Variants in ABI1 observed in about 807,000 individuals in gnomAD.
ABI1 encodes the protein Abelson interactor 1.
Under a neutral mutation model 54.6 loss-of-function variants are expected in ABI1, and 14 were observed. The observed-to-expected ratio is 0.26, with a 90% CI of 0.17 to 0.40. The LOEUF (loss-of-function observed/expected upper bound fraction) is 0.40. Ranked by LOEUF, ABI1 falls within the 10% of genes least tolerant of loss-of-function variation. ABI1 has a pLI of 1.00. For synonymous variants in ABI1, 194 were observed against 209.3 expected, an observed-to-expected ratio of 0.93 and a Z score of 0.63; for missense variants, 443 against 598.3, an observed-to-expected ratio of 0.74 and a Z score of 2.71.
chr10:26,840,040 A>T (rs2049380324), intron 1 of ABI1, among the ~76,000 whole-genome samples: 1 of 152,168 alleles, frequency 6.6e-6, no homozygotes. Context: ...TTCTATGAAT[A>T]CTAGCAAAAG....
intron 3 of ABI1, among the ~76,000 whole-genome samples, chr10:26,773,535 A>C (rs1265651852): frequency 6.7e-6 from 1 of 150,342 alleles, no homozygotes; most frequent in African/African-American, 2.4e-5. Flanking sequence ...TTCTTAACTC[A>C]CTCCTCTGCT....
chr10:26,857,441 G>C (rs1399244985), intron 1 of ABI1, among the ~76,000 whole-genome samples: 3 of 150,252 alleles, frequency 2.0e-5, no homozygotes, highest in Admixed American at 1.3e-4. Context: ...AGGAGTTTGA[G>C]ACCAGCCTAG....
chr10:26,759,341 T>C, intron 7 of ABI1, 103 bp from the exon 8 acceptor site: 1 of 960,742 alleles, frequency 1.0e-6, no homozygotes. Flanking sequence ...GAAATATTTA[T>C]TACTTTTTCA....
At chr10:26,857,320 C>CAAAA (rs71403897) in intron 1 of ABI1, among the ~76,000 whole-genome samples, 17 of 75,962 alleles carry the variant, frequency 2.2e-4, no homozygotes, top group Non-Finnish European at 2.5e-4. Flanking sequence ...GACTCCATCT[C>CAAAA]AAAAAAAAAA....
In ABI1 at chr10:26,823,193, T is replaced by C; in HGVS notation, c.230A>G (p.Asp77Gly). Residue 77 changes from aspartate to glycine, a missense_variant, in exon 2 of 11, where the codon GAT (aspartate) becomes GGT (glycine). Around this residue, in one of 2 missense-constraint regions of ABI1, gnomAD observed 394 missense variants for 484.8 expected, o/e 0.81. Coordinates refer to ENST00000376140, the MANE Select transcript of ABI1 (RefSeq NM_001012750.3). ...ALANNVLQLL[D>G]IQASQLRRME... is the part of the protein sequence containing the mutation. Reference sequence around the variant, plus strand: ...TCTCCGAAGCTGAGAGGCTTGGATATCCAGCAACTGGAGTACATTGTTGGC... The same window carrying C: ...TCTCCGAAGCTGAGAGGCTTGGATACCCAGCAACTGGAGTACATTGTTGGC... The C allele has an allele frequency of 1.2e-6, 2 of 1,604,954 alleles. No individual in the cohort carries two copies. The highest frequency in any genetic ancestry group is 2.3e-5 in the South Asian group (2 of 88,534).
chr10:26,751,490 T>C (rs1837625360), intron 10 of ABI1, 108 bp downstream of exon 10: 2 of 1,089,312 alleles, frequency 1.8e-6, no homozygotes, highest in Non-Finnish European at 2.6e-6. Flanking sequence ...TCTTGGTTGG[T>C]AAGGCAGTTT....
chr10:26,839,975 G>C (rs940352531), intron 1 of ABI1, among the ~76,000 whole-genome samples: 10 of 151,996 alleles, frequency 6.6e-5, no homozygotes, highest in African/African-American at 2.4e-4. Context: ...GGGTGACATA[G>C]AGAGATCCTG....
chr10:26,835,510 G>C (rs919818549), intron 1 of ABI1, among the ~76,000 whole-genome samples: 48 of 152,056 alleles, frequency 3.2e-4, no homozygotes, highest in African/African-American at 1.2e-3. Context: ...AGAAGGTTGA[G>C]GCTGCAGTAA....
intron 2 of ABI1, among the ~76,000 whole-genome samples, chr10:26,793,686 A>G (rs1048380868): frequency 6.6e-6 from 1 of 152,204 alleles, no homozygotes; most frequent in Non-Finnish European, 1.5e-5. Context: ...TGCCTAATTT[A>G]GTGATAATCA....
intron 2 of ABI1, among the ~76,000 whole-genome samples, chr10:26,821,243 T>TAAAA (rs34139312): frequency 5.7e-4 from 65 of 114,896 alleles, no homozygotes; most frequent in Middle Eastern, 4.6e-3. Context: ...AGACTCCATC[T>TAAAA]AAAAAAAAAA....
intron 1 of ABI1, among the ~76,000 whole-genome samples, chr10:26,829,855 G>A (rs1008986690): frequency 2.0e-5 from 3 of 152,060 alleles, no homozygotes; most frequent in Non-Finnish European, 4.4e-5. Context: ...TATTAAGTAC[G>A]AAATGCATAC....
chr10:26,784,610 C>A (rs1474974462), intron 2 of ABI1, among the ~76,000 whole-genome samples: 1 of 152,172 alleles, frequency 6.6e-6, no homozygotes, highest in Non-Finnish European at 1.5e-5. Context: ...TCTTTATAGG[C>A]ACACACAGTC....
At chr10:26,826,181 G>A (rs1254578302) in intron 1 of ABI1, among the ~76,000 whole-genome samples, 1 of 152,150 alleles carries the variant, frequency 6.6e-6, no homozygotes, top group Non-Finnish European at 1.5e-5. Context: ...TTCTTAAATA[G>A]TAAGATTGGA....
chr10:26,753,578 G>A (rs1837905040), intron 9 of ABI1, among the ~76,000 whole-genome samples: 1 of 152,146 alleles, frequency 6.6e-6, no homozygotes, highest in Admixed American at 6.6e-5. Flanking sequence ...ACACACTGCT[G>A]ACTTTTTTAG....
At chr10:26,769,832 G>A (rs994415343) in intron 5 of ABI1, among the ~76,000 whole-genome samples, 15 of 152,224 alleles carry the variant, frequency 9.9e-5, no homozygotes, top group African/African-American at 1.7e-4. Context: ...ACCAATAGGC[G>A]AAACAGAAGA....
chr10:26,790,811 A>G (rs915275738), intron 2 of ABI1, among the ~76,000 whole-genome samples: 1 of 152,134 alleles, frequency 6.6e-6, no homozygotes, highest in Admixed American at 6.5e-5. Flanking sequence ...ACTCACACCT[A>G]TAATCCCAGC....
chr10:26,772,523 T>C (rs1016893341), intron 3 of ABI1, among the ~76,000 whole-genome samples: 1 of 151,990 alleles, frequency 6.6e-6, no homozygotes, highest in African/African-American at 2.4e-5. Context: ...AAAAGAAGAA[T>C]TAGATTGGGA....
At chr10:26,800,957 G>A (rs7092950) in intron 2 of ABI1, among the ~76,000 whole-genome samples, 1 of 152,094 alleles carries the variant, frequency 6.6e-6, no homozygotes, top group Admixed American at 6.5e-5. Flanking sequence ...GGTGAGCCGA[G>A]ATTGTGCCAT....
chr10:26,813,959 A>G (rs1017971927), intron 2 of ABI1, among the ~76,000 whole-genome samples: 2 of 152,224 alleles, frequency 1.3e-5, no homozygotes, highest in Non-Finnish European at 1.5e-5. Context: ...TTAAGATGTA[A>G]AAGGTTCCTA....
Sources: gnomAD v4.1 joint callset for allele counts (sites outside exome capture counted in the v4.1 genomes callset) on GRCh38, gnomAD v4.1.1 for gene constraint, gnomAD v4.1.1 regional missense constraint, MANE v1.5 for transcripts, NCBI Gene and HGNC (gene_info 2026-07-23, HGNC 2026-07-21) for gene names.